The following PLCG2 variants were observed in gnomAD, a reference collection of about 807,000 sequenced individuals.
PLCG2 encodes 1-phosphatidylinositol 4,5-bisphosphate phosphodiesterase gamma-2.
Under a neutral mutation model 175.6 loss-of-function variants are expected in PLCG2, and 69 were observed. The observed-to-expected ratio is 0.39, with a 90% confidence interval of 0.32 to 0.48. The LOEUF is 0.48. Ranked by LOEUF, PLCG2 falls within the 20% of genes least tolerant of loss-of-function variation. The probability of loss-of-function intolerance (pLI) is 0.91; values close to 1 mark genes in which losing one functional copy is unlikely to be tolerated. For missense variants in PLCG2, 1,798 were observed against 1,650.9 expected (o/e 1.09, Z -1.54); for synonymous variants, 827 against 624.0 (o/e 1.33, Z -4.85).
At chr16:81,859,262 A>C in intron 5 of PLCG2, 99 bp downstream of exon 5, 1 of 782,612 alleles carries the variant, frequency 1.3e-6, no homozygotes, top group Non-Finnish European at 2.3e-6. Flanking sequence ...GTCGGGAGCA[A>C]GGTCCTCACT....
intron 19 of PLCG2, among the ~76,000 whole-genome samples, chr16:81,914,586 A>G (rs1196955172): frequency 4.6e-5 from 7 of 152,046 alleles, no homozygotes; most frequent in Non-Finnish European, 8.8e-5. Context: ...TATTTTTTAG[A>G]AGTTAATAGA....
At chr16:81,888,743 C>T (rs576848207) in intron 9 of PLCG2, among the ~76,000 whole-genome samples, 1 of 152,348 alleles carries the variant, frequency 6.6e-6, no homozygotes, top group South Asian at 2.1e-4. Flanking sequence ...TGCCCCCAGG[C>T]TGCTTCATAC....
At chr16:81,861,075 C>T (rs1010005609) in intron 5 of PLCG2, among the ~76,000 whole-genome samples, 3 of 152,138 alleles carry the variant, frequency 2.0e-5, no homozygotes, top group Non-Finnish European at 4.4e-5. Context: ...AAACCAAACC[C>T]TACCATTTAT....
At chr16:81,776,079 C>CTTGTTCTTTCTTTCTTTCTT (rs1555505205), upstream of PLCG2, among the ~76,000 whole-genome samples, 1 of 18,370 alleles carries the variant, frequency 5.4e-5, no homozygotes. Context: ...TTCTTTCTCT[C>CTTGTTCTTTCTTTCTTTCTT]TCTCTCTCTC....
At chr16:81,934,683 G>A in intron 26 of PLCG2, 152 bp downstream of exon 26, 1 of 634,712 alleles carries the variant, frequency 1.6e-6, no homozygotes. Context: ...CTCCGAGTGA[G>A]GGAGCTGGTG....
chr16:81,824,658 G>A (rs28609062), intron 2 of PLCG2, among the ~76,000 whole-genome samples: 5,711 of 152,266 alleles, frequency 0.038, 144 homozygotes, highest in African/African-American at 0.068. Context: ...ATAATTAAAG[G>A]GCAACACTGA....
intron 2 of PLCG2, among the ~76,000 whole-genome samples, chr16:81,758,954 A>T (rs1171912589): frequency 6.6e-6 from 1 of 152,240 alleles, no homozygotes. Context: ...CTGAGATTAC[A>T]GGCGTGAGCC....
intron 2 of PLCG2, chr16:81,767,570 A>C (rs1235896109): frequency 6.6e-6 from 1 of 152,138 alleles, no homozygotes; most frequent in African/African-American, 2.4e-5. Context: ...TATTGTAATA[A>C]AATCTTGTTT....
intron 25 of PLCG2, among the ~76,000 whole-genome samples, chr16:81,933,804 G>T (rs545887414): frequency 5.8e-4 from 89 of 152,330 alleles, no homozygotes; most frequent in Non-Finnish European, 8.4e-4. Flanking sequence ...AATTTGGGGA[G>T]GCCCAACAGG....
Position 81,786,025 on chromosome 16 carries a change from A to T in PLCG2, c.36A>T (p.Glu12Asp), listed in dbSNP as rs763370826. 6.2e-7 allele frequency: 1 copy of T among 1,614,216 alleles called. No individual in the cohort carries two copies. The highest frequency in any genetic ancestry group is 1.1e-5 in the South Asian group (1 of 91,080). ...STTVNVDSLA[E>D]YEKSQIKRAL... ...CGGTCAATGTAGATTCCCTTGCGGAATATGAGAAGAGCCAGATCAAGAGAG... is the reference window on the plus strand; with the variant it reads ...CGGTCAATGTAGATTCCCTTGCGGATTATGAGAAGAGCCAGATCAAGAGAG... Residue 12 changes from glutamate (E) to aspartate (D), a missense_variant, in exon 2 of 33, where the codon GAA (glutamate) becomes GAT (aspartate). Coordinates refer to ENST00000564138, the MANE Select transcript of PLCG2 (RefSeq NM_002661.5).
intron 22 of PLCG2, among the ~76,000 whole-genome samples, chr16:81,925,805 T>A (rs1910241226): frequency 6.6e-6 from 1 of 151,160 alleles, no homozygotes; most frequent in Admixed American, 6.6e-5. Context: ...GAGAATTGCT[T>A]GAACCTGGGA....
In PLCG2 at chr16:81,927,094, C is replaced by G. The variant is rs1200986657; in HGVS notation, c.2430C>G (p.Asp810Glu). 1.2e-6 allele frequency: 2 copies of G among 1,612,284 alleles called. No individual in the cohort carries two copies. The highest frequency in any genetic ancestry group is 1.7e-6 in the Non-Finnish European group (2 of 1,178,314). The change falls in exon 23 of 33, where the codon GAC (aspartate) becomes GAG (glutamate). Residue 810 changes from aspartate to glutamate, a missense_variant. Physicochemically the swap from Asp to Glu is conservative, Grantham distance 45. Transcript: ENST00000564138. ...SKEPGGWWKG[D>E]YGTRIQQYFP... ...TCTTCTTATCCAGGTGGAAAGGAGACTATGGAACCAGGATCCAGCAGTACT... is the reference window on the plus strand; with the variant it reads ...TCTTCTTATCCAGGTGGAAAGGAGAGTATGGAACCAGGATCCAGCAGTACT...
intron 1 of PLCG2, among the ~76,000 whole-genome samples, chr16:81,782,088 G>A (rs1420558440): frequency 6.6e-6 from 1 of 152,092 alleles, no homozygotes; most frequent in Non-Finnish European, 1.5e-5. Context: ...GTGTTAGCCA[G>A]GATGGTCTTG....
chr16:81,908,020 T>G (rs972543897), intron 16 of PLCG2, among the ~76,000 whole-genome samples: 1 of 152,182 alleles, frequency 6.6e-6, no homozygotes, highest in African/African-American at 2.4e-5. Context: ...CTGATTGGCC[T>G]TAGATGGAGG....
At chr16:81,774,445 A>T (rs540120918), upstream of PLCG2, among the ~76,000 whole-genome samples, 3 of 152,342 alleles carry the variant, frequency 2.0e-5, no homozygotes, top group South Asian at 6.2e-4. Context: ...AGAAGCAGTG[A>T]GGCCTAACCC....
At chr16:81,745,754 CA>C (rs1909691923) in intron 1 of PLCG2, among the ~76,000 whole-genome samples, 1 of 152,194 alleles carries the variant, frequency 6.6e-6, no homozygotes, top group African/African-American at 2.4e-5. Context: ...ACATTAGGGT[CA>C]GGGGGGAGCT....
intron 3 of PLCG2, among the ~76,000 whole-genome samples, chr16:81,855,258 A>C (rs1426984736): frequency 1.3e-5 from 2 of 151,964 alleles, no homozygotes; most frequent in African/African-American, 4.8e-5. Flanking sequence ...GATGTGGCTC[A>C]GCAAATCTGA....
At chr16:81,814,464 G>A (rs763441677) in intron 2 of PLCG2, among the ~76,000 whole-genome samples, 3 of 152,024 alleles carry the variant, frequency 2.0e-5, no homozygotes, top group African/African-American at 7.2e-5. Context: ...AGATTGAGGC[G>A]GGCAGATCAC....
At chr16:81,922,906 T>C (rs1013576539) in intron 21 of PLCG2, among the ~76,000 whole-genome samples, 1 of 152,164 alleles carries the variant, frequency 6.6e-6, no homozygotes, top group African/African-American at 2.4e-5. Context: ...GAGACCACCT[T>C]TTGATGAATT....
Sources: allele counts gnomAD v4.1 joint callset (sites outside exome capture counted in the v4.1 genomes callset), GRCh38; gene constraint gnomAD v4.1.1; transcripts MANE v1.5; gene names NCBI Gene and HGNC (gene_info 2026-07-23, HGNC 2026-07-21).